The following TMEM177 variants were observed in gnomAD, a reference collection of about 807,000 sequenced individuals.
The protein encoded by TMEM177 is transmembrane protein 177.
In TMEM177, 4 loss-of-function variants were observed where a neutral mutation model predicts 14.2. The observed-to-expected ratio is 0.28, with a 90% confidence interval of 0.14 to 0.64. The LOEUF is 0.64. Ranked by LOEUF, TMEM177 falls within the 30% of genes least tolerant of loss-of-function variation. The pLI is 0.82. For synonymous variants in TMEM177, 179 were observed against 174.5 expected (o/e 1.03, Z -0.20); for missense variants, 344 against 405.2 (o/e 0.85, Z 1.30).
At chr2:119,718,334 C>T in the TMEM177 span, among the ~76,000 whole-genome samples, 2 of 152,180 alleles carry the variant, frequency 1.3e-5, no homozygotes, top group East Asian at 1.9e-4. Flanking sequence ...ACCCCACCTC[C>T]GTGAACATCC....
the TMEM177 span, among the ~76,000 whole-genome samples, chr2:119,695,696 A>T: frequency 2.1e-4 from 32 of 152,366 alleles, no homozygotes; most frequent in African/African-American, 7.2e-4. Flanking sequence ...TGTAAGACAT[A>T]TTTATCAGTT....
chr2:119,703,192 C>T, the TMEM177 span, among the ~76,000 whole-genome samples: 1 of 152,236 alleles, frequency 6.6e-6, no homozygotes. Flanking sequence ...GCCCTGGGCC[C>T]AGCCCTGCAT....
At chr2:119,693,925 CCA>C in the TMEM177 span, among the ~76,000 whole-genome samples, 1 of 2,284 alleles carries the variant, frequency 4.4e-4, no homozygotes. Flanking sequence ...ATCACACATG[CCA>C]CACACATCAC....
chr2:119,685,711 G>A (rs1465276022), downstream of TMEM177: 1 of 718,044 alleles, frequency 1.4e-6, no homozygotes, highest in Non-Finnish European at 2.6e-6. Context: ...ATAAAACTTT[G>A]TAAGTGGCAG....
chr2:119,684,829 C>T (rs1476193481), downstream of TMEM177, among the ~76,000 whole-genome samples: 4 of 152,166 alleles, frequency 2.6e-5, no homozygotes, highest in East Asian at 1.9e-4. Context: ...CTACCTAGGG[C>T]ACCAGGGACC....
At chr2:119,714,090 G>A in the TMEM177 span, among the ~76,000 whole-genome samples, 52 of 152,370 alleles carry the variant, frequency 3.4e-4, no homozygotes, top group Admixed American at 5.9e-4. Context: ...TGTGTGCCAT[G>A]TTGGAGAACT....
At chr2:119,692,969 CAAAAAAAAAAAAAAAAAA>C in the TMEM177 span, among the ~76,000 whole-genome samples, 1 of 52,194 alleles carries the variant, frequency 1.9e-5, no homozygotes, top group African/African-American at 8.8e-5. Context: ...GAGATTGTCT[CAAAAAAAAAAAAAAAAAA>C]AAAAAAAAAA....
At chr2:119,715,114 G>T in the TMEM177 span, among the ~76,000 whole-genome samples, 1 of 152,282 alleles carries the variant, frequency 6.6e-6, no homozygotes, top group African/African-American at 2.4e-5. Context: ...CAGGTGTGGT[G>T]GCTCACACCT....
the TMEM177 span, among the ~76,000 whole-genome samples, chr2:119,696,789 G>A: frequency 6.6e-6 from 1 of 152,142 alleles, no homozygotes; most frequent in Admixed American, 6.5e-5. Flanking sequence ...AGGCAGGAGC[G>A]GGCCTGGCAC....
chr2:119,681,944 A>C lies in TMEM177; in HGVS notation c.*155A>C. The C allele has an allele frequency of 7.5e-6, 5 of 664,894 alleles. No individual in the cohort carries two copies. Among genetic ancestry groups the C allele is most frequent in the African/African-American group, 3.6e-5 (2 of 55,000 alleles). The allele number at this position is 664,894 out of a possible 1,614,324, so 41.2% of individuals were successfully genotyped here. ...TTAGATTGTACTATAACCACTACTT[A>C]TGAACTCAGGGACTATGAGGGACTA... On this transcript the variant is annotated 3_prime_UTR_variant, in exon 2 of 2. Coordinates refer to ENST00000272521, the MANE Select transcript of TMEM177 (RefSeq NM_030577.3).
chr2:119,715,226 T>TA, the TMEM177 span, among the ~76,000 whole-genome samples: 1 of 151,908 alleles, frequency 6.6e-6, no homozygotes, highest in Non-Finnish European at 1.5e-5. Context: ...CTACAAAAAA[T>TA]AAAAAATAAA....
chr2:119,713,662 A>C, the TMEM177 span, among the ~76,000 whole-genome samples: 1 of 152,108 alleles, frequency 6.6e-6, no homozygotes, highest in East Asian at 1.9e-4. Flanking sequence ...CAGCATTGAG[A>C]GACCCCATCT....
chr2:119,681,699 C>T lies in TMEM177; in HGVS notation c.846C>T (p.His282=). 1 of 1,614,202 alleles carries T rather than the reference C, an allele frequency of 6.2e-7. No individual in the cohort carries two copies. The highest frequency in any genetic ancestry group is 8.5e-7 in the Non-Finnish European group (1 of 1,180,054). Reference sequence around the variant, plus strand: ...CCAGCGGGAACATCGTCCCCAGACACTTGTTCCGAATCAAACATTTACCCT... The same window carrying T: ...CCAGCGGGAACATCGTCCCCAGACATTTGTTCCGAATCAAACATTTACCCT... ...YTPSGNIVPR[H]LFRIKHLPYT... Residue 282 remains histidine (H), a synonymous_variant, in exon 2 of 2, where the codon CAC becomes CAT. Coordinates refer to ENST00000272521, the MANE Select transcript of TMEM177 (RefSeq NM_030577.3).
chr2:119,680,140 G>T (rs1452862719), intron 1 of TMEM177, among the ~76,000 whole-genome samples: 2 of 152,092 alleles, frequency 1.3e-5, no homozygotes, highest in Non-Finnish European at 2.9e-5. Flanking sequence ...CCATACTGAT[G>T]GCCTCATTTT....
chr2:119,706,900 ATTTATTTTATTTTAT>A, the TMEM177 span, among the ~76,000 whole-genome samples: 11 of 150,858 alleles, frequency 7.3e-5, no homozygotes, highest in Non-Finnish European at 1.3e-4. Flanking sequence ...TATTTTATTT[ATTTATTTTATTTTAT>A]TTTATTTTAT....
At chr2:119,717,844 T>C in the TMEM177 span, among the ~76,000 whole-genome samples, 1 of 152,084 alleles carries the variant, frequency 6.6e-6, no homozygotes, top group African/African-American at 2.4e-5. Context: ...GGTCTCGAAC[T>C]CCTGACCTAA....
chr2:119,682,135 T>TTG (rs1482448219), downstream of TMEM177: 2 of 216,494 alleles, frequency 9.2e-6, no homozygotes, highest in Non-Finnish European at 2.0e-5. Context: ...CGTTTTTTTT[T>TTG]TTTTTTTGAG....
At chr2:119,697,786 C>T in the TMEM177 span, among the ~76,000 whole-genome samples, 1 of 152,094 alleles carries the variant, frequency 6.6e-6, no homozygotes, top group Admixed American at 6.5e-5. Context: ...TCCCCTCCAC[C>T]CTCTGAAGGT....
chr2:119,692,455 C>T, the TMEM177 span, among the ~76,000 whole-genome samples: 1 of 152,204 alleles, frequency 6.6e-6, no homozygotes, highest in Non-Finnish European at 1.5e-5. Flanking sequence ...TGTCCCCAGG[C>T]GAACAGCAGC....
Sources: allele counts gnomAD v4.1 joint callset (sites outside exome capture counted in the v4.1 genomes callset), GRCh38; gene constraint gnomAD v4.1.1; transcripts MANE v1.5; gene names NCBI Gene and HGNC (gene_info 2026-07-23, HGNC 2026-07-21).